The following ZDHHC11 variants were observed in gnomAD, a reference collection of about 807,000 sequenced individuals.
ZDHHC11 encodes palmitoyltransferase ZDHHC11.
In ZDHHC11, 44 loss-of-function variants were observed where a neutral mutation model predicts 51.3. The observed-to-expected ratio is 0.86, with a 90% CI of 0.67 to 1.10. The LOEUF (loss-of-function observed/expected upper bound fraction) is 1.10, where lower values mean the gene tolerates loss of function less well. ZDHHC11 is among the 50% of genes least tolerant of loss of function. The pLI is 0.00. For synonymous variants in ZDHHC11, 163 were observed against 222.0 expected (o/e 0.73, Z 2.36); for missense variants, 400 against 537.7 (o/e 0.74, Z 2.53).
intron 11 of ZDHHC11, among the ~76,000 whole-genome samples, chr5:811,250 T>C (rs1487547512): frequency 1.4e-5 from 2 of 139,098 alleles, no homozygotes; most frequent in East Asian, 2.0e-4. Flanking sequence ...AATAGAACCA[T>C]AGGCTATACT....
chr5:808,936 T>G (rs398790), intron 11 of ZDHHC11, among the ~76,000 whole-genome samples: 64,095 of 137,678 alleles, frequency 0.47, 10,000 homozygotes, highest in Non-Finnish European at 0.59. Context: ...CTGTCCTCTT[T>G]ATCTGCTGTC....
upstream of ZDHHC11, among the ~76,000 whole-genome samples, chr5:854,060 G>A (rs556387645): frequency 6.7e-6 from 1 of 149,878 alleles, no homozygotes; most frequent in Non-Finnish European, 1.5e-5. Flanking sequence ...GAGCAGCCGG[G>A]ACAGACCCCA....
intron 9 of ZDHHC11, among the ~76,000 whole-genome samples, chr5:819,883 C>A (rs2150331625): frequency 6.6e-6 from 1 of 151,428 alleles, no homozygotes; most frequent in African/African-American, 2.4e-5. Flanking sequence ...GAGCCCCACC[C>A]TAGACCAGTG....
At chr5:852,515 G>A (rs1385754825), upstream of ZDHHC11, among the ~76,000 whole-genome samples, 2 of 152,174 alleles carry the variant, frequency 1.3e-5, no homozygotes, top group African/African-American at 2.4e-5. Context: ...AGGACAACGA[G>A]CAGCGGGGAC....
Position 824,948 on chromosome 5 carries a change from C to G in ZDHHC11, c.1023+216G>C, listed in dbSNP as rs1443309478. Among the ~76,000 whole-genome samples the G allele has an allele frequency of 1.3e-5, 2 of 151,518 alleles. 1 individual carries two copies. Among genetic ancestry groups the G allele is most frequent in the Non-Finnish European group, 3.0e-5 (2 of 67,730 alleles). On this transcript the variant is annotated intron_variant, in intron 8 of 12. Transcript: ENST00000283441. ...TGCTGGGGGCTCCCACTTTGGTACC[C>G]ATCTGTCTCTGTCACCCACAGCTGG...
At chr5:856,275 C>T (rs528286960) in intron 1 of ZDHHC11, among the ~76,000 whole-genome samples, 1 of 149,760 alleles carries the variant, frequency 6.7e-6, no homozygotes, top group East Asian at 2.0e-4. Flanking sequence ...ACAGAAACCA[C>T]AACACACAAA....
chr5:820,219 T>C (rs1465907758), intron 9 of ZDHHC11, among the ~76,000 whole-genome samples: 3 of 151,556 alleles, frequency 2.0e-5, no homozygotes, highest in East Asian at 1.9e-4. Flanking sequence ...TAAAAGACCA[T>C]AGTTACATGA....
At chr5:828,366 G>C (rs1205603793) in intron 7 of ZDHHC11, among the ~76,000 whole-genome samples, 9 of 148,790 alleles carry the variant, frequency 6.0e-5, no homozygotes, top group Non-Finnish European at 1.4e-4. Flanking sequence ...GGGTGGAGGT[G>C]CCCCCCACCT....
At chr5:808,701 A>AC (rs1340317724) in intron 11 of ZDHHC11, among the ~76,000 whole-genome samples, 10 of 129,262 alleles carry the variant, frequency 7.7e-5, no homozygotes, top group African/African-American at 2.8e-4. Flanking sequence ...AACCTAGCTA[A>AC]TTTTTTTTTT....
chr5:812,835 G>A (rs1444779818), intron 11 of ZDHHC11, among the ~76,000 whole-genome samples: 1 of 151,206 alleles, frequency 6.6e-6, no homozygotes, highest in Non-Finnish European at 1.5e-5. Flanking sequence ...CACATCATGA[G>A]AGGGTGAATT....
At chr5:834,365 T>C (rs554691231) in intron 6 of ZDHHC11, among the ~76,000 whole-genome samples, 740 of 152,204 alleles carry the variant, frequency 4.9e-3, no homozygotes, top group African/African-American at 0.016. Flanking sequence ...TATTTTTATT[T>C]ATTTTTGTAG....
intron 4 of ZDHHC11, chr5:842,767 C>T: frequency 3.4e-6 from 3 of 887,336 alleles, no homozygotes; most frequent in Non-Finnish European, 4.1e-6. Context: ...CGTCCAGCTG[C>T]AGGACAGTTG....
At chr5:853,966 C>A (rs1747724557), upstream of ZDHHC11, among the ~76,000 whole-genome samples, 1 of 148,364 alleles carries the variant, frequency 6.7e-6, no homozygotes, top group African/African-American at 2.5e-5. Flanking sequence ...GCCAGGGGGA[C>A]AGACCCCACA....
chr5:806,246 A>G (rs1487702843), intron 11 of ZDHHC11, among the ~76,000 whole-genome samples: 1 of 151,138 alleles, frequency 6.6e-6, no homozygotes, highest in Admixed American at 6.6e-5. Flanking sequence ...AATAGACTCA[A>G]ATATGTGCAT....
At chr5:821,991 C>A in intron 8 of ZDHHC11, 96 bp from the exon 9 acceptor site, 1 of 1,134,578 alleles carries the variant, frequency 8.8e-7, no homozygotes, top group Non-Finnish European at 1.3e-6. Context: ...CTGACAGTCA[C>A]TTCTGAGTAA....
intron 10 of ZDHHC11, among the ~76,000 whole-genome samples, chr5:818,091 C>T (rs578116915): frequency 3.3e-5 from 5 of 151,434 alleles, no homozygotes; most frequent in African/African-American, 7.2e-5. Context: ...TGGGATCCAA[C>T]GTGATGCTGA....
In ZDHHC11 at chr5:838,986, G is replaced by C. The variant is rs1210127276; in HGVS notation, c.785-1506C>G. Among the ~76,000 whole-genome samples the C allele has an allele frequency of 2.8e-5, 4 of 141,020 alleles. No homozygotes were observed. The East Asian group carries it at 7.9e-4, about 28-fold the overall frequency. The allele number at this position is 141,020 out of a possible 152,430, so 92.5% of individuals were successfully genotyped here. A position where few individuals can be genotyped will look rare whatever the true frequency, so the allele number is the denominator to read the frequency against. ...GCATCCCTTAATCTGCGGCACATGT[G>C]GATGAGACCATGTGGCCTCGGCCCA... On this transcript the variant is annotated intron_variant, in intron 5 of 12. Coordinates refer to ENST00000283441, the MANE Select transcript of ZDHHC11 (RefSeq NM_024786.3).
At chr5:844,611 G>A (rs1235978683) in intron 3 of ZDHHC11, among the ~76,000 whole-genome samples, 2 of 152,310 alleles carry the variant, frequency 1.3e-5, no homozygotes, top group South Asian at 2.1e-4. Context: ...CTGAAGCCAG[G>A]GAAGGGGAGA....
Position 815,305 on chromosome 5 carries a change from C to G in ZDHHC11, c.1147-510G>C, listed in dbSNP as rs532256331. Among the ~76,000 whole-genome samples the G allele has an allele frequency of 1.3e-4, 19 of 150,806 alleles. No homozygotes were observed. In the South Asian group the frequency reaches 1.5e-3, roughly 12 times the overall value. ...TATGTGAGAAAATACATTTCTTGTT[C>G]CAACACCCCATGTGTGGTTCCTGCT... On this transcript the variant is annotated intron_variant, in intron 10 of 12. Coordinates refer to ENST00000283441, the MANE Select transcript of ZDHHC11 (RefSeq NM_024786.3).
Sources: gnomAD v4.1 joint callset for allele counts (sites outside exome capture counted in the v4.1 genomes callset) on GRCh38, gnomAD v4.1.1 for gene constraint, MANE v1.5 for transcripts, NCBI Gene and HGNC (gene_info 2026-07-23, HGNC 2026-07-21) for gene names.